The following MRPS6 variants were observed in gnomAD, a reference collection of about 807,000 sequenced individuals.
The protein encoded by MRPS6 is mitochondrial ribosomal protein S6, also known as small ribosomal subunit protein bS6m.
MRPS6 carries 6 observed loss-of-function variants against 13.1 expected under a neutral mutation model. The observed-to-expected ratio is 0.46, with a 90% CI of 0.25 to 0.91. The LOEUF (loss-of-function observed/expected upper bound fraction) is 0.91. MRPS6 is among the 40% of genes least tolerant of loss of function. MRPS6 has a pLI of 0.18. For synonymous variants in MRPS6, 61 were observed against 56.5 expected (o/e 1.08, Z -0.36); for missense variants, 164 against 155.6 (o/e 1.05, Z -0.29).
intron 1 of MRPS6, chr21:34,095,068 C>CT: frequency 9.4e-7 from 1 of 1,064,918 alleles, no homozygotes; most frequent in Non-Finnish European, 1.2e-6. Context: ...AGGACAAAGA[C>CT]TTTGACCCTG....
At chr21:34,097,620 A>T (rs149158500) in intron 1 of MRPS6, 1 of 1,185,126 alleles carries the variant, frequency 8.4e-7, no homozygotes, top group East Asian at 4.7e-5. Flanking sequence ...GAAGAGACCA[A>T]TTATTCTCAC....
chr21:34,079,807 C>T (rs1277423009), intron 1 of MRPS6, among the ~76,000 whole-genome samples: 1 of 151,866 alleles, frequency 6.6e-6, no homozygotes, highest in Non-Finnish European at 1.5e-5. Flanking sequence ...ACAACTCTGG[C>T]ATTTTCTGTT....
chr21:34,092,701 C>T (rs888063745), intron 1 of MRPS6, among the ~76,000 whole-genome samples: 1 of 152,164 alleles, frequency 6.6e-6, no homozygotes, highest in Admixed American at 6.5e-5. Context: ...TTTTCTTTTT[C>T]AGCACTTTGT....
intron 1 of MRPS6, among the ~76,000 whole-genome samples, chr21:34,106,744 T>C (rs1237229103): frequency 2.6e-5 from 4 of 152,236 alleles, no homozygotes; most frequent in Non-Finnish European, 4.4e-5. Context: ...CTCATAGTTA[T>C]CAAACTGGAC....
chr21:34,126,634 G>A (rs1980315634), intron 2 of MRPS6, among the ~76,000 whole-genome samples: 1 of 152,216 alleles, frequency 6.6e-6, no homozygotes, highest in African/African-American at 2.4e-5. Flanking sequence ...ACAAATGGGT[G>A]TGGTTTTAAC....
intron 1 of MRPS6, among the ~76,000 whole-genome samples, chr21:34,086,428 C>T (rs1157523966): frequency 1.3e-5 from 2 of 152,058 alleles, no homozygotes; most frequent in East Asian, 3.9e-4. Flanking sequence ...TACTTCAGGG[C>T]TTACCGGTGG....
chr21:34,074,576 A>T (rs1014350014), intron 1 of MRPS6, among the ~76,000 whole-genome samples: 6 of 152,128 alleles, frequency 3.9e-5, no homozygotes, highest in African/African-American at 1.4e-4. Context: ...GAGGCAGCTC[A>T]CTTCGTCCTC....
At chr21:34,104,450 G>A in intron 1 of MRPS6, 1 of 999,574 alleles carries the variant, frequency 1.0e-6, no homozygotes. Context: ...GTTAAAAGAT[G>A]TAATTCTCAG....
intron 1 of MRPS6, among the ~76,000 whole-genome samples, chr21:34,079,839 C>A (rs1194451211): frequency 6.6e-6 from 1 of 151,948 alleles, no homozygotes; most frequent in Non-Finnish European, 1.5e-5. Flanking sequence ...TGGTTATGGC[C>A]TCCTGGGTAT....
At chr21:34,089,513 AT>A (rs1463626681) in intron 1 of MRPS6, among the ~76,000 whole-genome samples, 1 of 152,134 alleles carries the variant, frequency 6.6e-6, no homozygotes, top group Non-Finnish European at 1.5e-5. Flanking sequence ...AGCCAAACTT[AT>A]TGGTAGAATC....
chr21:34,123,080 A>T (rs1340525179), intron 1 of MRPS6: 1 of 152,212 alleles, frequency 6.6e-6, no homozygotes, highest in Non-Finnish European at 1.5e-5. Flanking sequence ...GGTTAAATAT[A>T]TAAACAACGA....
At chr21:34,097,958 T>C in intron 1 of MRPS6, 2 of 995,922 alleles carry the variant, frequency 2.0e-6, no homozygotes, top group Non-Finnish European at 2.4e-6. Context: ...ACCACCAGTA[T>C]ATGGAATGTT....
chr21:34,125,485 G>T lies in MRPS6; in HGVS notation c.185+5G>T. 6.2e-7 allele frequency: 1 copy of T among 1,612,718 alleles called. No individual in the cohort carries two copies. The highest frequency in any genetic ancestry group is 8.5e-7 in the Non-Finnish European group (1 of 1,179,510). On this transcript the variant is annotated splice_donor_5th_base_variant and intron_variant, in intron 2 of 2. Transcript: ENST00000399312. ...TCAGCAGCACAACAGAGGCGGGTAA[G>T]TTTCTTCATGAAGTCTTGAAAGACG...
chr21:34,139,833 C>T (rs904281045), intron 2 of MRPS6, among the ~76,000 whole-genome samples: 3 of 152,194 alleles, frequency 2.0e-5, no homozygotes, highest in Non-Finnish European at 4.4e-5. Flanking sequence ...CTGTCTAGGC[C>T]TCCCAAAGTG....
chr21:34,075,893 A>T (rs559409895), intron 1 of MRPS6, among the ~76,000 whole-genome samples: 1 of 152,238 alleles, frequency 6.6e-6, no homozygotes, highest in Non-Finnish European at 1.5e-5. Context: ...GAAATGAAAA[A>T]TGCGACTGTG....
chr21:34,103,160 G>C, intron 1 of MRPS6: 4 of 999,854 alleles, frequency 4.0e-6, no homozygotes, highest in East Asian at 1.1e-4. Flanking sequence ...AGTATATATG[G>C]TATTCCATAA....
chr21:34,076,489 CTA>C (rs1989334749), intron 1 of MRPS6, among the ~76,000 whole-genome samples: 1 of 152,106 alleles, frequency 6.6e-6, no homozygotes, highest in African/African-American at 2.4e-5. Flanking sequence ...AATTCCAATA[CTA>C]TGTTTTTCTC....
intron 1 of MRPS6, among the ~76,000 whole-genome samples, chr21:34,085,418 A>G (rs1026836864): frequency 5.9e-5 from 9 of 152,266 alleles, no homozygotes; most frequent in Admixed American, 2.6e-4. Flanking sequence ...AATGTACCCT[A>G]TTTCCCTTTT....
chr21:34,095,632 C>T, intron 1 of MRPS6: 5 of 1,613,250 alleles, frequency 3.1e-6, no homozygotes, highest in East Asian at 2.2e-5. Context: ...GATCTGTATT[C>T]GGGTGCCCTT....
Sources: allele counts gnomAD v4.1 joint callset (sites outside exome capture counted in the v4.1 genomes callset), GRCh38; gene constraint gnomAD v4.1.1; transcripts MANE v1.5; gene names NCBI Gene and HGNC (gene_info 2026-07-23, HGNC 2026-07-21).